CACNA2D1: variants seen among roughly 807,000 people sequenced by gnomAD.
The protein encoded by CACNA2D1 is calcium voltage-gated channel auxiliary subunit alpha2delta 1.
CACNA2D1 carries 53 observed loss-of-function variants against 171.5 expected under a neutral mutation model. The observed-to-expected ratio is 0.31, with a 90% CI of 0.25 to 0.39. The LOEUF (loss-of-function observed/expected upper bound fraction) is 0.39, where lower values mean the gene tolerates loss of function less well. Among genes scored for constraint, CACNA2D1 ranks in the 10% least tolerant of loss-of-function variants. The pLI, the probability that CACNA2D1 is intolerant of heterozygous loss-of-function variation, is 1.00. For synonymous variants in CACNA2D1, 442 were observed against 443.1 expected (o/e 1.00, Z 0.03); for missense variants, 903 against 1,299.8 (o/e 0.69, Z 4.69).
At chr7:82,218,999 G>A (rs1801471373) in intron 3 of CACNA2D1, among the ~76,000 whole-genome samples, 2 of 152,140 alleles carry the variant, frequency 1.3e-5, no homozygotes, top group African/African-American at 4.8e-5. Context: ...TTAAAAGGCA[G>A]CTTCTTTTCT....
chr7:82,291,584 AG>A (rs1811621009), intron 3 of CACNA2D1, among the ~76,000 whole-genome samples: 1 of 141,850 alleles, frequency 7.0e-6, no homozygotes, highest in Non-Finnish European at 1.5e-5. Context: ...TATATATACT[AG>A]ATATATAATA....
intron 10 of CACNA2D1, among the ~76,000 whole-genome samples, chr7:82,059,140 T>C (rs1289076886): frequency 6.6e-6 from 1 of 152,112 alleles, no homozygotes; most frequent in Non-Finnish European, 1.5e-5. Context: ...CAGAGACAGA[T>C]CCATTTTTCA....
intron 3 of CACNA2D1, among the ~76,000 whole-genome samples, chr7:82,303,798 T>C (rs1039807884): frequency 6.6e-6 from 1 of 152,138 alleles, no homozygotes; most frequent in Non-Finnish European, 1.5e-5. Context: ...TTCAGTACAT[T>C]GGTCTAGGCA....
At chr7:82,256,982 A>C (rs544793723) in intron 3 of CACNA2D1, among the ~76,000 whole-genome samples, 1 of 152,328 alleles carries the variant, frequency 6.6e-6, no homozygotes, top group South Asian at 2.1e-4. Flanking sequence ...CTGAGATTTC[A>C]TTAGAGATGG....
At chr7:82,035,784 A>C (rs1469143127) in intron 11 of CACNA2D1, among the ~76,000 whole-genome samples, 2 of 152,186 alleles carry the variant, frequency 1.3e-5, no homozygotes, top group East Asian at 3.8e-4. Flanking sequence ...TTAAGCAAAA[A>C]ATAATTTTTA....
intron 4 of CACNA2D1, among the ~76,000 whole-genome samples, chr7:82,159,666 G>A (rs1219172389): frequency 6.6e-6 from 1 of 151,154 alleles, no homozygotes; most frequent in Non-Finnish European, 1.5e-5. Flanking sequence ...AGAATCTGAT[G>A]TTATGAACCG....
intron 4 of CACNA2D1, among the ~76,000 whole-genome samples, chr7:82,159,753 T>C (rs997531653): frequency 1.4e-5 from 2 of 146,074 alleles, no homozygotes; most frequent in Non-Finnish European, 3.0e-5. Flanking sequence ...GAAAGACATG[T>C]ACACAGCCAA....
intron 1 of CACNA2D1, among the ~76,000 whole-genome samples, chr7:82,385,727 C>A (rs919337681): frequency 6.6e-6 from 1 of 151,892 alleles, no homozygotes; most frequent in Non-Finnish European, 1.5e-5. Flanking sequence ...TATAGTGGTG[C>A]AATCTCGGCT....
rs1208554287 is a variant in CACNA2D1, at chr7:82,188,593, A to T, written c.295-17984T>A. 7.2e-5 allele frequency among the ~76,000 whole-genome samples: 11 copies of T among 152,218 alleles called. No homozygotes were observed. The South Asian group carries it at 1.0e-3, about 14-fold the overall frequency. On this transcript the variant is annotated intron_variant, in intron 3 of 38. Coordinates refer to ENST00000356860, the MANE Select transcript of CACNA2D1 (RefSeq NM_000722.4). The stretch of plus-strand genomic sequence containing the variant: ...GGGAATGTAAATTATATCAGCCACT[A>T]TGCAAAGCAGTTTGGAGTTTTCACA...
At chr7:82,100,479 C>T (rs527281715) in intron 6 of CACNA2D1, among the ~76,000 whole-genome samples, 5 of 152,000 alleles carry the variant, frequency 3.3e-5, no homozygotes, top group South Asian at 2.1e-4. Flanking sequence ...CCTGAAACCC[C>T]TGGATGTTAT....
chr7:82,210,975 T>C (rs747446358), intron 3 of CACNA2D1, among the ~76,000 whole-genome samples: 2 of 152,184 alleles, frequency 1.3e-5, no homozygotes, highest in Non-Finnish European at 2.9e-5. Flanking sequence ...TGCTAGGCAC[T>C]GTGTTAAGAG....
rs1464443353 is a variant in CACNA2D1, at chr7:82,388,857, T to TC, written c.96-39209_96-39208insG. ...TAGGCCGGGCACGGTGGCTCACGCC[T>TC]GTAATCCCAGCACTTTAGGAGGCCG... On this transcript the variant is annotated intron_variant, in intron 1 of 38. Coordinates refer to ENST00000356860, the MANE Select transcript of CACNA2D1 (RefSeq NM_000722.4). Among the ~76,000 whole-genome samples, 11 of 152,152 alleles carry TC rather than the reference T, an allele frequency of 7.2e-5. No homozygotes were observed. The East Asian group carries it at 2.1e-3, about 29-fold the overall frequency.
intron 6 of CACNA2D1, among the ~76,000 whole-genome samples, chr7:82,106,181 T>C (rs990007023): frequency 6.6e-6 from 1 of 152,176 alleles, no homozygotes; most frequent in Non-Finnish European, 1.5e-5. Context: ...TTTAGAAATA[T>C]CTTTTAAATG....
chr7:82,206,672 A>G (rs1233761634), intron 3 of CACNA2D1, among the ~76,000 whole-genome samples: 1 of 152,104 alleles, frequency 6.6e-6, no homozygotes, highest in South Asian at 2.1e-4. Flanking sequence ...GAGGTAACCA[A>G]TGCTTTTGGT....
At chr7:82,049,954 A>G (rs1330522454) in intron 10 of CACNA2D1, among the ~76,000 whole-genome samples, 2 of 152,200 alleles carry the variant, frequency 1.3e-5, no homozygotes, top group Admixed American at 6.5e-5. Context: ...GTTTTCTAAG[A>G]AACTTTTAGC....
At chr7:82,076,770 T>C (rs1809018916) in intron 7 of CACNA2D1, among the ~76,000 whole-genome samples, 1 of 152,156 alleles carries the variant, frequency 6.6e-6, no homozygotes, top group Admixed American at 6.5e-5. Flanking sequence ...CAAGGCGACA[T>C]ATTCTACCAT....
intron 1 of CACNA2D1, among the ~76,000 whole-genome samples, chr7:82,394,775 A>C (rs1036900903): frequency 6.6e-6 from 1 of 152,220 alleles, no homozygotes; most frequent in African/African-American, 2.4e-5. Flanking sequence ...GAAGTGAAGG[A>C]GAACAGAAGA....
At chr7:82,031,030 G>C (rs562690690) in intron 12 of CACNA2D1, among the ~76,000 whole-genome samples, 4 of 151,864 alleles carry the variant, frequency 2.6e-5, no homozygotes, top group Non-Finnish European at 5.9e-5. Flanking sequence ...CAATTTATTT[G>C]TTGTGATGTA....
intron 1 of CACNA2D1, among the ~76,000 whole-genome samples, chr7:82,385,523 T>C (rs1024463083): frequency 6.6e-6 from 1 of 152,356 alleles, no homozygotes; most frequent in East Asian, 1.9e-4. Flanking sequence ...TGGGAACCTG[T>C]TGTTTTAATG....
Sources: allele counts gnomAD v4.1 joint callset (sites outside exome capture counted in the v4.1 genomes callset), GRCh38; gene constraint gnomAD v4.1.1; transcripts MANE v1.5; gene names NCBI Gene and HGNC (gene_info 2026-07-23, HGNC 2026-07-21).